SLC4A8: variants seen among roughly 807,000 people sequenced by gnomAD.
SLC4A8 encodes solute carrier family 4 member 8, also known as electroneutral sodium bicarbonate exchanger 1.
Under a neutral mutation model 125.0 loss-of-function variants are expected in SLC4A8, and 40 were observed. The ratio of observed to expected loss-of-function variants is 0.32; its 90% CI spans 0.25 to 0.42. The LOEUF (loss-of-function observed/expected upper bound fraction) is 0.42. Among genes scored for constraint, SLC4A8 ranks in the 10% least tolerant of loss-of-function variants. The pLI, the probability that SLC4A8 is intolerant of heterozygous loss-of-function variation, is 1.00. For synonymous variants in SLC4A8, 456 were observed against 476.0 expected (o/e 0.96, Z 0.55); for missense variants, 863 against 1,355.1 (o/e 0.64, Z 5.70).
At chr12:51,475,023 C>T (rs775957857) in intron 15 of SLC4A8, 22 bp from the exon 16 acceptor site, 1 of 1,609,880 alleles carries the variant, frequency 6.2e-7, no homozygotes. Context: ...CCTTTCATCA[C>T]CCAGAATGCT....
intron 5 of SLC4A8, among the ~76,000 whole-genome samples, chr12:51,456,522 G>T (rs900323005): frequency 5.9e-5 from 9 of 152,148 alleles, no homozygotes; most frequent in African/African-American, 2.2e-4. Context: ...TAGGTAAAGT[G>T]CCTAAAAGGA....
chr12:51,494,724 T>C, intron 20 of SLC4A8: 1 of 441,660 alleles, frequency 2.3e-6, no homozygotes, highest in Non-Finnish European at 4.0e-6. Flanking sequence ...GAAAGAAGTT[T>C]GAACCTAGAA....
At chr12:51,433,506 A>G (rs1949262944) in intron 1 of SLC4A8, among the ~76,000 whole-genome samples, 1 of 152,136 alleles carries the variant, frequency 6.6e-6, no homozygotes, top group African/African-American at 2.4e-5. Context: ...GATGAAAGTT[A>G]TGGACCCTCT....
chr12:51,479,906 C>T (rs1164624889), intron 16 of SLC4A8: 1 of 372,526 alleles, frequency 2.7e-6, no homozygotes, highest in South Asian at 2.1e-5. Flanking sequence ...ACTATGGCTG[C>T]CCTTTTTTCT....
At chr12:51,407,716 A>G (rs1948515877) in intron 1 of SLC4A8, 1 of 152,346 alleles carries the variant, frequency 6.6e-6, no homozygotes, top group African/African-American at 2.4e-5. Flanking sequence ...TTTTTCCACC[A>G]GACCACTTCC....
Position 51,457,332 on chromosome 12 carries a change from G to A in SLC4A8, c.575-19G>A. 6.2e-7 allele frequency: 1 copy of A among 1,610,468 alleles called. No individual in the cohort carries two copies. Among genetic ancestry groups the A allele is most frequent in the Non-Finnish European group, 8.5e-7 (1 of 1,177,722 alleles). On this transcript the variant is annotated intron_variant, in intron 5 of 24. Transcript: ENST00000453097. The stretch of plus-strand genomic sequence containing the variant: ...ATTAACCCTCAATCTGAGTGTTCAT[G>A]TGAGTGCCTGCTTTCCAGACCTGAT...
In SLC4A8 at chr12:51,497,881, G is replaced by GAAAAGAAA. The variant is rs1951507209; in HGVS notation, c.3081+762_3081+769dup. On this transcript the variant is annotated intron_variant, in intron 22 of 24. Coordinates refer to ENST00000453097, the MANE Select transcript of SLC4A8 (RefSeq NM_001039960.3). ...TGTCTCTACAAAAAAAAAAAGAAAA[G>GAAAAGAAA]AAAAGAAAAAAAATCAAAATAATTA... 6 of 89,056 alleles carry GAAAAGAAA rather than the reference G, an allele frequency of 6.7e-5. No homozygotes were observed. In the South Asian group the frequency reaches 2.2e-3, roughly 32 times the overall value. The allele number at this position is 89,056 out of a possible 1,614,324, so 5.5% of individuals were successfully genotyped here. A position where few individuals can be genotyped will look rare whatever the true frequency, so the allele number is the denominator to read the frequency against.
At chr12:51,417,440 G>A (rs919229492) in intron 1 of SLC4A8, among the ~76,000 whole-genome samples, 2 of 152,012 alleles carry the variant, frequency 1.3e-5, no homozygotes, top group African/African-American at 4.8e-5. Context: ...TCTGCCTCCT[G>A]GGTTCAAGCG....
intron 5 of SLC4A8, among the ~76,000 whole-genome samples, chr12:51,454,279 A>T (rs567584190): frequency 3.6e-4 from 55 of 151,654 alleles, no homozygotes; most frequent in African/African-American, 1.3e-3. Context: ...CCTAGGTAGC[A>T]GAGTGAGTGT....
In SLC4A8 at chr12:51,397,074, T is replaced by C. The variant is rs1309982717; in HGVS notation, c.-112+5586T>C. On this transcript the variant is annotated intron_variant, in intron 1 of 24. Coordinates refer to the SLC4A8 transcript ENST00000358657. ...CCTCCCGAGTAGCTGGGATTACAGGTGTGTGCCACCACACCCGGCTAATTT... is the reference window on the plus strand; with the variant it reads ...CCTCCCGAGTAGCTGGGATTACAGGCGTGTGCCACCACACCCGGCTAATTT... 2.6e-3 allele frequency among the ~76,000 whole-genome samples: 401 copies of C among 151,884 alleles called. 1 individual carries two copies. The highest frequency in any genetic ancestry group is 9.3e-3 in the African/African-American group (384 of 41,432).
In SLC4A8 at chr12:51,463,664, A is replaced by G. The variant is rs1950423672; in HGVS notation, c.1299A>G (p.Glu433=). The change falls in exon 11 of 25, where the codon GAA becomes GAG. Residue 433 remains glutamate (E), a synonymous_variant. Transcript: ENST00000453097. ...CAAATGGAAATGTTTGCCACATAGAACAGGAACCACATGGGGGTCACAGTG... is the reference window on the plus strand; with the variant it reads ...CAAATGGAAATGTTTGCCACATAGAGCAGGAACCACATGGGGGTCACAGTG... ...GVPNGNVCHI[E]QEPHGGHSGP... The G allele has an allele frequency of 6.2e-7, 1 of 1,614,046 alleles. No homozygotes were observed. Among genetic ancestry groups the G allele is most frequent in the South Asian group, 1.1e-5 (1 of 91,082 alleles).
chr12:51,486,675 A>T (rs1951172058), intron 17 of SLC4A8, among the ~76,000 whole-genome samples: 3 of 152,212 alleles, frequency 2.0e-5, no homozygotes, highest in African/African-American at 4.8e-5. Context: ...AGAATTATGA[A>T]GGAGGAAAGT....
In SLC4A8 at chr12:51,463,640, A is replaced by G. The variant is rs778267191; in HGVS notation, c.1275A>G (p.Pro425=). ...SQEKRKMPGV[P]NGNVCHIEQE... is the part of the protein sequence containing the mutation. ...AGAAAAGGAAAATGCCTGGAGTTCC[A>G]AATGGAAATGTTTGCCACATAGAAC... is the stretch of plus-strand genomic sequence containing the variant. Residue 425 remains proline (P), a synonymous_variant, in exon 11 of 25, where the codon CCA becomes CCG. Coordinates refer to ENST00000453097, the MANE Select transcript of SLC4A8 (RefSeq NM_001039960.3). The G allele has an allele frequency of 1.2e-6, 2 of 1,614,052 alleles. No homozygotes were observed. The highest frequency in any genetic ancestry group is 1.7e-5 in the Admixed American group (1 of 60,020).
chr12:51,438,793 T>C (rs989683591), intron 1 of SLC4A8, among the ~76,000 whole-genome samples: 3 of 152,214 alleles, frequency 2.0e-5, no homozygotes, highest in Non-Finnish European at 4.4e-5. Context: ...GCATTTGTTA[T>C]ATTTTGTCTT....
intron 16 of SLC4A8, among the ~76,000 whole-genome samples, chr12:51,482,380 C>T (rs939740538): frequency 1.3e-5 from 2 of 151,562 alleles, no homozygotes; most frequent in African/African-American, 4.9e-5. Flanking sequence ...ATAGGGGTAA[C>T]GTACTTCTTT....
At chr12:51,460,427 A>T (rs889666920) in intron 8 of SLC4A8, among the ~76,000 whole-genome samples, 1 of 152,118 alleles carries the variant, frequency 6.6e-6, no homozygotes, top group African/African-American at 2.4e-5. Flanking sequence ...ATCTCAGAAA[A>T]TTGAGGTATA....
chr12:51,401,019 C>T (rs1204920090), intron 1 of SLC4A8, among the ~76,000 whole-genome samples: 1 of 151,272 alleles, frequency 6.6e-6, no homozygotes, highest in Non-Finnish European at 1.5e-5. Flanking sequence ...TCTTTAGGGC[C>T]CGGCTGCTGA....
At chr12:51,497,871 A>AAAAAAAAAAAAG (rs1390877700) in intron 22 of SLC4A8, 4 of 134,736 alleles carry the variant, frequency 3.0e-5, no homozygotes, top group East Asian at 2.2e-4. Context: ...CTACAAAAAA[A>AAAAAAAAAAAAG]AAAAGAAAAG....
rs1280895116 is a variant in SLC4A8, at chr12:51,458,551, C to T, written c.764-8C>T. The T allele has an allele frequency of 1.2e-6, 2 of 1,606,856 alleles. No homozygotes were observed. Among genetic ancestry groups the T allele is most frequent in the Non-Finnish European group, 1.7e-6 (2 of 1,173,506 alleles). On this transcript the variant is annotated splice_region_variant and splice_polypyrimidine_tract_variant and intron_variant, in intron 6 of 24. Coordinates refer to ENST00000453097, the MANE Select transcript of SLC4A8 (RefSeq NM_001039960.3). ...GACTCAGGATTTTGTTTTATTTTCT[C>T]CAAATAGGTCAAACCGTGTCTCCTC...
Sources: gnomAD v4.1 joint callset for allele counts (sites outside exome capture counted in the v4.1 genomes callset) on GRCh38, gnomAD v4.1.1 for gene constraint, MANE v1.5 for transcripts, NCBI Gene and HGNC (gene_info 2026-07-23, HGNC 2026-07-21) for gene names.